KAZN: variants seen among roughly 807,000 people sequenced by gnomAD.
KAZN encodes kazrin.
A neutral mutation model predicts 87.4 loss-of-function variants in KAZN; 40 were observed. That is an observed-to-expected ratio of 0.46 (90% CI 0.36 to 0.60). KAZN has a LOEUF of 0.60. Among genes scored for constraint, KAZN ranks in the 20% least tolerant of loss-of-function variants. The pLI, the probability that KAZN is intolerant of heterozygous loss-of-function variation, is 0.00. For missense variants in KAZN, 898 were observed against 1,073.9 expected (o/e 0.84, Z 2.29); for synonymous variants, 466 against 458.3 (o/e 1.02, Z -0.22).
chr1:14,329,217 G>A (rs820628), intron 2 of KAZN, among the ~76,000 whole-genome samples: 32,961 of 151,970 alleles, frequency 0.22, 3,953 homozygotes, highest in Middle Eastern at 0.33. Context: ...TAACAACACT[G>A]AGCTTGTAAC....
chr1:14,306,022 A>G (rs1212029376), intron 2 of KAZN, among the ~76,000 whole-genome samples: 1 of 152,024 alleles, frequency 6.6e-6, no homozygotes, highest in African/African-American at 2.4e-5. Context: ...CTGTCTGATC[A>G]CTGAGCCTCC....
At chr1:14,222,939 TTCATCA>T (rs1261737956) in intron 2 of KAZN, 2 of 152,162 alleles carry the variant, frequency 1.3e-5, no homozygotes, top group Non-Finnish European at 2.9e-5. Context: ...CATCAACATC[TTCATCA>T]TCATTATTTT....
At chr1:14,631,372 CT>C (rs936790966) in intron 1 of KAZN, among the ~76,000 whole-genome samples, 6 of 152,226 alleles carry the variant, frequency 3.9e-5, no homozygotes, top group Admixed American at 2.6e-4. Context: ...CCCATACGGT[CT>C]TTTTCTGAGG....
intron 2 of KAZN, among the ~76,000 whole-genome samples, chr1:14,533,031 C>T (rs1210571224): frequency 6.6e-6 from 1 of 152,148 alleles, no homozygotes; most frequent in Non-Finnish European, 1.5e-5. Flanking sequence ...TTCTAGATCC[C>T]TGAGGAATCG....
chr1:14,797,952 T>C (rs377111075), intron 1 of KAZN, among the ~76,000 whole-genome samples: 7 of 152,314 alleles, frequency 4.6e-5, no homozygotes, highest in East Asian at 1.9e-4. Flanking sequence ...CCCTTCTTGG[T>C]GCTTGACAGG....
At chr1:15,006,891 C>A (rs949539813) in intron 2 of KAZN, among the ~76,000 whole-genome samples, 1 of 151,804 alleles carries the variant, frequency 6.6e-6, no homozygotes, top group African/African-American at 2.4e-5. Flanking sequence ...CCCGTCTCTA[C>A]TAAAAATACA....
chr1:14,173,601 G>C (rs1010088524), intron 1 of KAZN, among the ~76,000 whole-genome samples: 1 of 152,196 alleles, frequency 6.6e-6, no homozygotes, highest in Admixed American at 6.5e-5. Flanking sequence ...CTCTTTTTCA[G>C]CTGGGAGTGG....
At chr1:15,058,164 A>G (rs1457264379) in intron 5 of KAZN, among the ~76,000 whole-genome samples, 2 of 152,122 alleles carry the variant, frequency 1.3e-5, no homozygotes, top group African/African-American at 4.8e-5. Context: ...GACTCCTCCC[A>G]TCTGTCCAGT....
intron 1 of KAZN, among the ~76,000 whole-genome samples, chr1:14,666,622 A>G (rs34333856): frequency 0.21 from 31,221 of 152,102 alleles, 3,340 homozygotes; most frequent in South Asian, 0.3. Flanking sequence ...GGGGGAGGAT[A>G]CTTCCTTGCC....
intron 1 of KAZN, among the ~76,000 whole-genome samples, chr1:13,916,372 C>T (rs565221836): frequency 1.3e-5 from 2 of 152,196 alleles, no homozygotes; most frequent in Non-Finnish European, 2.9e-5. Context: ...GTGTCCGAGA[C>T]CCCTGCTGGG....
At chr1:14,112,924 G>A (rs1239964218) in intron 1 of KAZN, among the ~76,000 whole-genome samples, 2 of 152,222 alleles carry the variant, frequency 1.3e-5, no homozygotes, top group Non-Finnish European at 2.9e-5. Context: ...AGAGTTCAAA[G>A]TGCTGTGCGG....
intron 2 of KAZN, among the ~76,000 whole-genome samples, chr1:14,522,355 CT>C (rs1211893493): frequency 6.6e-6 from 1 of 152,210 alleles, no homozygotes; most frequent in Non-Finnish European, 1.5e-5. Flanking sequence ...CAAAAGTTTG[CT>C]CTTTATGGTG....
chr1:14,203,712 A>G (rs1175687085), intron 2 of KAZN, among the ~76,000 whole-genome samples: 2 of 152,222 alleles, frequency 1.3e-5, no homozygotes, highest in Admixed American at 6.5e-5. Flanking sequence ...AATGTGCGCT[A>G]AAGTAATTTT....
chr1:14,373,299 A>C (rs1289690383), intron 2 of KAZN, among the ~76,000 whole-genome samples: 1 of 152,064 alleles, frequency 6.6e-6, no homozygotes, highest in Non-Finnish European at 1.5e-5. Flanking sequence ...TGCTGTCTGC[A>C]ATCTGGAGAC....
At chr1:14,755,502 A>G (rs1207308333) in intron 1 of KAZN, among the ~76,000 whole-genome samples, 1 of 152,134 alleles carries the variant, frequency 6.6e-6, no homozygotes, top group Non-Finnish European at 1.5e-5. Flanking sequence ...GAAGGAGGAG[A>G]ACAGCGCTCC....
intron 1 of KAZN, among the ~76,000 whole-genome samples, chr1:14,753,265 C>T (rs549237591): frequency 7.2e-5 from 11 of 151,982 alleles, no homozygotes; most frequent in South Asian, 6.3e-4. Flanking sequence ...AGGAAGCAGG[C>T]GGTATTTGGT....
rs181622226 is a variant in KAZN at position 14,355,003 on chromosome 1, T to A, written c.249+174411T>A. 4.0e-4 allele frequency among the ~76,000 whole-genome samples: 61 copies of A among 152,218 alleles called. 1 individual carries two copies. In the East Asian group the frequency reaches 9.3e-3, roughly 23 times the overall value. On this transcript the variant is annotated intron_variant, in intron 2 of 16. Transcript: ENST00000636203. ...ACTGGCATGTTGATACAATGGGATA[T>A]TACTGAGCAATTAAAAAAAAGAAAT...
chr1:14,038,567 T>G (rs568835610), intron 1 of KAZN, among the ~76,000 whole-genome samples: 1 of 152,102 alleles, frequency 6.6e-6, no homozygotes, highest in Admixed American at 6.5e-5. Context: ...AGGACTGCAA[T>G]TGGGTCATGA....
intron 1 of KAZN, among the ~76,000 whole-genome samples, chr1:14,771,747 A>C (rs1572440334): frequency 6.6e-6 from 1 of 151,852 alleles, no homozygotes; most frequent in Non-Finnish European, 1.5e-5. Flanking sequence ...AATTGCTTGA[A>C]CCCGGGAGGC....
Sources: gnomAD v4.1 joint callset for allele counts (sites outside exome capture counted in the v4.1 genomes callset) on GRCh38, gnomAD v4.1.1 for gene constraint, MANE v1.5 for transcripts, NCBI Gene and HGNC (gene_info 2026-07-23, HGNC 2026-07-21) for gene names.